The following PHKB variants were observed in gnomAD, a reference collection of about 807,000 sequenced individuals.
PHKB encodes phosphorylase kinase regulatory subunit beta.
PHKB carries 122 observed loss-of-function variants against 152.1 expected under a neutral mutation model. The ratio of observed to expected loss-of-function variants is 0.80; its 90% CI spans 0.69 to 0.93. The LOEUF (loss-of-function observed/expected upper bound fraction) is 0.93. PHKB is among the 40% of genes least tolerant of loss of function. PHKB has a pLI of 0.00. For missense variants in PHKB, 1,304 were observed against 1,328.4 expected (o/e 0.98, Z 0.29); for synonymous variants, 436 against 464.9 (o/e 0.94, Z 0.80).
chr16:47,587,800 A>G (rs762767688), intron 9 of PHKB, 37 bp downstream of exon 9: 36 of 1,360,888 alleles, frequency 2.6e-5, no homozygotes, highest in Non-Finnish European at 3.7e-5. Flanking sequence ...AACATGAACT[A>G]TTGTTTATGA....
intron 26 of PHKB, chr16:47,675,518 C>G (rs1435791343): frequency 3.9e-5 from 5 of 128,364 alleles, no homozygotes; most frequent in Admixed American, 2.3e-4. Flanking sequence ...CACACACACA[C>G]ACTCTCTCTC....
At chr16:47,545,218 G>T (rs1971138238) in intron 6 of PHKB, among the ~76,000 whole-genome samples, 1 of 152,092 alleles carries the variant, frequency 6.6e-6, no homozygotes, top group African/African-American at 2.4e-5. Context: ...CATGTTTTTG[G>T]AGTGGCTTGT....
intron 6 of PHKB, among the ~76,000 whole-genome samples, chr16:47,545,513 G>T (rs578225854): frequency 2.6e-5 from 4 of 152,090 alleles, no homozygotes; most frequent in Non-Finnish European, 5.9e-5. Flanking sequence ...TTTCTCTCTG[G>T]CTGCTGTTAA....
At chr16:47,543,462 CT>C (rs1055279003) in intron 6 of PHKB, among the ~76,000 whole-genome samples, 1 of 151,942 alleles carries the variant, frequency 6.6e-6, no homozygotes, top group Non-Finnish European at 1.5e-5. Context: ...CTAAAATTCT[CT>C]TTTTTTTCTT....
chr16:47,467,528 G>C (rs559067353), intron 1 of PHKB, among the ~76,000 whole-genome samples: 2 of 152,100 alleles, frequency 1.3e-5, no homozygotes, highest in African/African-American at 4.8e-5. Context: ...CACTGTGCTC[G>C]CTTCATGTAG....
intron 20 of PHKB, among the ~76,000 whole-genome samples, chr16:47,651,741 A>C (rs923988989): frequency 1.3e-5 from 2 of 152,198 alleles, no homozygotes; most frequent in Non-Finnish European, 2.9e-5. Flanking sequence ...GTTTATAAAG[A>C]AAGACCTACG....
At chr16:47,476,034 A>AT (rs538419863) in intron 1 of PHKB, among the ~76,000 whole-genome samples, 3 of 150,238 alleles carry the variant, frequency 2.0e-5, no homozygotes, top group African/African-American at 2.4e-5. Context: ...TGCCCAGCTA[A>AT]TTTTTTTTTT....
chr16:47,561,215 T>G (rs896194007), intron 7 of PHKB: 2 of 152,224 alleles, frequency 1.3e-5, no homozygotes, highest in African/African-American at 4.8e-5. Context: ...CTATGGAGAT[T>G]TGAATCTTCA....
chr16:47,697,930 C>G (rs1435033763), intron 29 of PHKB, among the ~76,000 whole-genome samples: 1 of 152,140 alleles, frequency 6.6e-6, no homozygotes, highest in African/African-American at 2.4e-5. Flanking sequence ...TAAAACATGG[C>G]CATCCCTTGA....
chr16:47,631,704 C>T (rs1396710408), intron 14 of PHKB, among the ~76,000 whole-genome samples: 1 of 152,156 alleles, frequency 6.6e-6, no homozygotes, highest in Non-Finnish European at 1.5e-5. Context: ...GTTCAACTCC[C>T]GCTTATGAAT....
chr16:47,462,022 T>A (rs1378710826), intron 1 of PHKB: 1 of 152,574 alleles, frequency 6.6e-6, no homozygotes, highest in East Asian at 1.9e-4. Context: ...TGGCCCCAGG[T>A]TGTGTGGTTT....
intron 20 of PHKB, among the ~76,000 whole-genome samples, chr16:47,652,831 C>T (rs1973262515): frequency 6.6e-6 from 1 of 152,012 alleles, no homozygotes; most frequent in Non-Finnish European, 1.5e-5. Context: ...TTTGTAGAGA[C>T]AGCATCTTGC....
At chr16:47,655,552 T>G (rs961512579) in intron 20 of PHKB, among the ~76,000 whole-genome samples, 2 of 152,204 alleles carry the variant, frequency 1.3e-5, no homozygotes, top group African/African-American at 2.4e-5. Flanking sequence ...TGTGGTGATT[T>G]TCTCTCAAGT....
At chr16:47,462,685 G>C (rs1286540052) in intron 1 of PHKB, 1 of 149,326 alleles carries the variant, frequency 6.7e-6, no homozygotes, top group African/African-American at 2.4e-5. Context: ...TACGTTTTGG[G>C]CTTTTCCTAT....
At position 47,463,695 on chromosome 16, in the gene PHKB, A is replaced by G. The variant is rs115790208; in HGVS notation, c.76+2269A>G. On this transcript the variant is annotated intron_variant, in intron 1 of 30. Transcript: ENST00000323584. ...AATAAGTGGATATTATATAGTTTCT[A>G]TCTCATCCATATGAGCAAGTGTAAT... is the stretch of plus-strand genomic sequence containing the variant. The G allele has an allele frequency of 2.5e-3, 1,340 of 534,340 alleles. 13 individuals carry two copies. The highest frequency in any genetic ancestry group is 0.022 in the African/African-American group (1,173 of 52,352). The allele number at this position is 534,340 out of a possible 1,614,324, so 33.1% of individuals were successfully genotyped here. A position where few individuals can be genotyped will look rare whatever the true frequency, so the allele number is the denominator to read the frequency against.
At chr16:47,571,920 C>T (rs1043717421) in intron 7 of PHKB, among the ~76,000 whole-genome samples, 1 of 152,106 alleles carries the variant, frequency 6.6e-6, no homozygotes, top group African/African-American at 2.4e-5. Context: ...ACTCCCCATT[C>T]CCATGGGAAT....
intron 14 of PHKB, among the ~76,000 whole-genome samples, chr16:47,633,781 G>A (rs189782394): frequency 3.3e-5 from 5 of 152,350 alleles, no homozygotes; most frequent in African/African-American, 7.2e-5. Context: ...AAAAGTCCTC[G>A]AGAAGTTTGG....
In PHKB at chr16:47,650,843, C is replaced by T. The variant is rs987280896; in HGVS notation, c.1893C>T (p.Phe631=). Residue 631 remains phenylalanine, a synonymous_variant, in exon 20 of 31, where the codon TTC becomes TTT. Coordinates refer to ENST00000323584, the MANE Select transcript of PHKB (RefSeq NM_000293.3). ...TTATATTTTTTAGAGGTAGCCGGTT[C>T]AACCCCATATTAGATATGCTGGCAG... ...IREDNIRGSR[F]NPILDMLAAL... 18 of 1,612,104 alleles carry T rather than the reference C, an allele frequency of 1.1e-5. No homozygotes were observed. Among genetic ancestry groups the T allele is most frequent in the Non-Finnish European group, 1.4e-5 (17 of 1,178,448 alleles).
Position 47,610,697 on chromosome 16 carries a change from G to A in PHKB, c.1364-129G>A, listed in dbSNP as rs1972410738. On this transcript the variant is annotated intron_variant, in intron 13 of 30. Coordinates refer to ENST00000323584, the MANE Select transcript of PHKB (RefSeq NM_000293.3). ...GCCTAGTATGTGGTATATCCTGGTG[G>A]AGGATGTTTCATGTACACTGAGAAA... 4 of 697,290 alleles carry A rather than the reference G, an allele frequency of 5.7e-6. No homozygotes were observed. In the South Asian group the frequency reaches 6.2e-5, roughly 11 times the overall value. 43.2% of individuals were successfully genotyped at this position (697,290 alleles called of 1,614,324 possible).
Sources: allele counts gnomAD v4.1 joint callset (sites outside exome capture counted in the v4.1 genomes callset), GRCh38; gene constraint gnomAD v4.1.1; transcripts MANE v1.5; gene names NCBI Gene and HGNC (gene_info 2026-07-23, HGNC 2026-07-21).